Variants in MTTP observed in about 807,000 individuals in gnomAD.
MTTP encodes the protein microsomal triglyceride transfer protein.
MTTP carries 49 observed loss-of-function variants against 90.6 expected under a neutral mutation model. That is an observed-to-expected ratio of 0.54 (90% CI 0.43 to 0.69). MTTP has a LOEUF of 0.69. Ranked by LOEUF, MTTP falls within the 30% of genes least tolerant of loss-of-function variation. The pLI is 0.00. For missense variants in MTTP, 945 were observed against 1,067.5 expected (o/e 0.89, Z 1.60); for synonymous variants, 347 against 384.2 (o/e 0.90, Z 1.13).
rs1427529105 is a variant in MTTP at position 99,606,776 on chromosome 4, T to C, written c.1373T>C (p.Leu458Pro). The part of the protein sequence containing the change: ...KAVVEAKKLI[L>P]GGLEKAEKKE... ...GTAGTGGAAGCTAAGAAGTTAATCCTGGGAGGACTTGAAAAAGCAGAGAAA... is the reference window on the plus strand; with the variant it reads ...GTAGTGGAAGCTAAGAAGTTAATCCCGGGAGGACTTGAAAAAGCAGAGAAA... The change falls in exon 11 of 18, where the codon CTG becomes CCG. Residue 458 changes from leucine (L) to proline (P), a missense_variant. Leu to Pro is a moderately conservative substitution (Grantham distance 98). Transcript: ENST00000265517. 1 of 1,613,766 alleles carries C rather than the reference T, an allele frequency of 6.2e-7. No homozygotes were observed. The highest frequency in any genetic ancestry group is 1.3e-5 in the African/African-American group (1 of 74,890).
intron 15 of MTTP, 75 bp from the exon 16 acceptor site, chr4:99,618,899 A>T: frequency 6.4e-7 from 1 of 1,570,202 alleles, no homozygotes; most frequent in Non-Finnish European, 8.7e-7. Flanking sequence ...AGGAGGTCAA[A>T]TGTGCCATTG....
chr4:99,616,018 T>C (rs1479539090), intron 15 of MTTP, among the ~76,000 whole-genome samples: 4 of 152,164 alleles, frequency 2.6e-5, no homozygotes, highest in Non-Finnish European at 4.4e-5. Context: ...TTTTTTGCAA[T>C]ATTTCTTAGA....
chr4:99,619,136 TAA>T, intron 16 of MTTP, 38 bp downstream of exon 16: 1 of 1,558,736 alleles, frequency 6.4e-7, no homozygotes, highest in Non-Finnish European at 8.8e-7. Flanking sequence ...GAATTACATA[TAA>T]GACTATATAC....
At chr4:99,567,734 G>C (rs1340653004) in intron 1 of MTTP, among the ~76,000 whole-genome samples, 2 of 152,110 alleles carry the variant, frequency 1.3e-5, no homozygotes, top group Non-Finnish European at 2.9e-5. Flanking sequence ...CAACAAAAAA[G>C]CAGATGCAGA....
At chr4:99,568,463 G>A (rs762832324) in intron 1 of MTTP, among the ~76,000 whole-genome samples, 2 of 152,110 alleles carry the variant, frequency 1.3e-5, no homozygotes, top group Non-Finnish European at 2.9e-5. Context: ...TGAAGAAGTT[G>A]CAAAACTCTG....
chr4:99,614,116 T>C (rs1340808594), intron 15 of MTTP, among the ~76,000 whole-genome samples: 1 of 152,198 alleles, frequency 6.6e-6, no homozygotes, highest in Non-Finnish European at 1.5e-5. Context: ...ACTTGTAAAG[T>C]TTACTTTATT....
intron 4 of MTTP, among the ~76,000 whole-genome samples, chr4:99,590,026 A>G (rs1386930987): frequency 1.3e-5 from 2 of 152,112 alleles, no homozygotes; most frequent in Non-Finnish European, 2.9e-5. Context: ...TGTACCATGG[A>G]GGGGCTTGTT....
At chr4:99,606,313 G>T (rs1725815801) in intron 10 of MTTP, among the ~76,000 whole-genome samples, 1 of 152,162 alleles carries the variant, frequency 6.6e-6, no homozygotes, top group Non-Finnish European at 1.5e-5. Flanking sequence ...AAAACATTTA[G>T]AGCCAGACTT....
At chr4:99,612,018 T>C (rs1462228034) in intron 14 of MTTP, among the ~76,000 whole-genome samples, 2 of 152,206 alleles carry the variant, frequency 1.3e-5, no homozygotes, top group Non-Finnish European at 2.9e-5. Flanking sequence ...GTTATCCAAA[T>C]TGAGGTGATG....
At chr4:99,574,171 A>G (rs1378790783), upstream of MTTP, among the ~76,000 whole-genome samples, 1 of 152,240 alleles carries the variant, frequency 6.6e-6, no homozygotes, top group East Asian at 1.9e-4. Context: ...GTGTTGTCAC[A>G]GACACAAATA....
At chr4:99,568,700 TG>T (rs1398455818) in intron 1 of MTTP, among the ~76,000 whole-genome samples, 2 of 152,044 alleles carry the variant, frequency 1.3e-5, no homozygotes, top group African/African-American at 4.8e-5. Context: ...AATAAGGAGA[TG>T]CTAAAAACCA....
chr4:99,595,022 T>C, intron 7 of MTTP, 139 bp downstream of exon 7: 1 of 930,690 alleles, frequency 1.1e-6, no homozygotes, highest in Non-Finnish European at 1.7e-6. Context: ...GACAGCAGTC[T>C]CACAATATGC....
At chr4:99,590,860 CACA>C (rs762731980) in intron 4 of MTTP, among the ~76,000 whole-genome samples, 1 of 147,292 alleles carries the variant, frequency 6.8e-6, no homozygotes, top group African/African-American at 2.5e-5. Flanking sequence ...CACACACACA[CACA>C]CCACACACAC....
At chr4:99,568,002 A>C (rs897297984) in intron 1 of MTTP, among the ~76,000 whole-genome samples, 1 of 152,176 alleles carries the variant, frequency 6.6e-6, no homozygotes, top group Non-Finnish European at 1.5e-5. Flanking sequence ...ACTGTAATGT[A>C]ATATTTCAAA....
In MTTP at chr4:99,597,140, A is replaced by C. The variant is rs746294633; in HGVS notation, c.983A>C (p.Asn328Thr). The C allele has an allele frequency of 6.2e-7, 1 of 1,614,078 alleles. No homozygotes were observed. Among genetic ancestry groups the C allele is most frequent in the South Asian group, 1.1e-5 (1 of 91,084 alleles). The part of the protein sequence containing the change: ...DNLSKAEAVR[N>T]FLAFIQHLRT... ...CTTTCCAAGGCTGAGGCTGTCAGAA[A>C]CTTCCTGGCCTTCATTCAGCACCTC... is the stretch of plus-strand genomic sequence containing the variant. The change falls in exon 8 of 18, where the codon AAC becomes ACC. Residue 328 changes from asparagine (N) to threonine (T), a missense_variant. Coordinates refer to ENST00000265517, the MANE Select transcript of MTTP (RefSeq NM_001386140.1).
intron 10 of MTTP, 40 bp downstream of exon 10, chr4:99,601,754 A>C (rs1725704185): frequency 7.0e-7 from 1 of 1,437,936 alleles, no homozygotes; most frequent in East Asian, 2.3e-5. Flanking sequence ...ATCATTCTAC[A>C]CCATTGTCCA....
At position 99,600,710 on chromosome 4, in the gene MTTP, G is replaced by A. The variant is rs1282318043; in HGVS notation, c.1213G>A (p.Glu405Lys). 1 of 1,613,690 alleles carries A rather than the reference G, an allele frequency of 6.2e-7. No individual in the cohort carries two copies. The highest frequency in any genetic ancestry group is 1.3e-5 in the African/African-American group (1 of 74,994). Residue 405 changes from glutamate to lysine, a missense_variant, in exon 9 of 18, where the codon GAA (glutamate) becomes AAA (lysine). By Grantham distance (56) the Glu-to-Lys change is moderately conservative. Coordinates refer to ENST00000265517, the MANE Select transcript of MTTP (RefSeq NM_001386140.1). ...YACGFASHPN[E>K]ELLRALISKF... ...CTGTGGATTTGCTTCTCATCCCAAT[G>A]AAGAACTCCTGAGAGCCCTCATTGT...
At chr4:99,581,846 G>A in intron 1 of MTTP, 59 bp from the exon 2 acceptor site, 4 of 1,558,306 alleles carry the variant, frequency 2.6e-6, no homozygotes, top group Non-Finnish European at 3.5e-6. Context: ...ATGCACTGAT[G>A]GTGAGACAGC....
chr4:99,583,383 G>A lies in MTTP; in HGVS notation c.259G>A (p.Val87Ile). Residue 87 changes from valine to isoleucine, a missense_variant, in exon 3 of 18, where the codon GTA (valine) becomes ATA (isoleucine). Coordinates refer to ENST00000265517, the MANE Select transcript of MTTP (RefSeq NM_001386140.1). ...CTTTCTGTTACTCCAGATGAAGGATGTAAATGTTGAAAATGTGAATCAGCA... is the reference window on the plus strand; with the variant it reads ...CTTTCTGTTACTCCAGATGAAGGATATAAATGTTGAAAATGTGAATCAGCA... ...DQLIQITMKD[V>I]NVENVNQQRG... 2 of 1,613,106 alleles carry A rather than the reference G, an allele frequency of 1.2e-6. No homozygotes were observed. Among genetic ancestry groups the A allele is most frequent in the African/African-American group, 1.3e-5 (1 of 74,970 alleles).
Sources: allele counts gnomAD v4.1 joint callset (sites outside exome capture counted in the v4.1 genomes callset), GRCh38; gene constraint gnomAD v4.1.1; transcripts MANE v1.5; gene names NCBI Gene and HGNC (gene_info 2026-07-23, HGNC 2026-07-21).